Variants in FLG2 observed in about 807,000 individuals in gnomAD.
The protein encoded by FLG2 is filaggrin-2.
FLG2 carries 7 observed loss-of-function variants against 3.9 expected under a neutral mutation model. The ratio of observed to expected loss-of-function variants is 1.79; its 90% CI spans 1.02 to 3.36. The LOEUF (loss-of-function observed/expected upper bound fraction) is 3.36, where lower values mean the gene tolerates loss of function less well. Among genes scored for constraint, FLG2 ranks in the 30% most tolerant of loss-of-function variants. FLG2 has a pLI of 0.00. For missense variants in FLG2, 2,700 were observed against 2,809.4 expected (o/e 0.96, Z 0.88); for synonymous variants, 1,031 against 1,056.1 (o/e 0.98, Z 0.46).
In FLG2 at chr1:152,355,989, G is replaced by C. The variant is rs1461206768; in HGVS notation, c.1797C>G (p.Gly599=). The stretch of plus-strand genomic sequence containing the variant: ...GTCCAAAGCCAGAGGATTGTCCTGA[G>C]CCAGACCCATGTTGTCCAAAGCCAG... The part of the protein sequence containing the change: ...QSSGFGQHGS[G]SGQSSGFGQH... The change falls in exon 3 of 3, where the codon GGC becomes GGG. Residue 599 remains glycine (G), a synonymous_variant. Transcript: ENST00000388718. 6.2e-7 allele frequency: 1 copy of C among 1,613,038 alleles called. No individual in the cohort carries two copies. Among genetic ancestry groups the C allele is most frequent in the African/African-American group, 1.3e-5 (1 of 74,604 alleles).
In FLG2 at chr1:152,352,802, G is replaced by A. The variant is rs544813438; in HGVS notation, c.4984C>T (p.His1662Tyr). Residue 1662 changes from histidine (H) to tyrosine (Y), a missense_variant, in exon 3 of 3, where the codon CAC becomes TAC. Physicochemically the swap from His to Tyr is moderately conservative, Grantham distance 83. Transcript: ENST00000388718. Reference protein sequence around the residue: ...SHSESSDSEVHSGVSHTHTGH... With the variant: ...SHSESSDSEVYSGVSHTHTGH... ...GTATGTGTGTGTGAGACCCCTGAGT[G>A]CACTTCACTGTCACTGGACTCACTG... 30 of 1,613,496 alleles carry A rather than the reference G, an allele frequency of 1.9e-5. No homozygotes were observed. The highest frequency in any genetic ancestry group is 2.5e-5 in the Non-Finnish European group (29 of 1,179,874).
Position 152,357,605 on chromosome 1 carries a change from G to T in FLG2, c.181C>A (p.Leu61Met). The change falls in exon 3 of 3, where the codon CTG becomes ATG. Residue 61 changes from leucine (L) to methionine (M), a missense_variant. Physicochemically the swap from Leu to Met is conservative, Grantham distance 15. Coordinates refer to ENST00000388718, the MANE Select transcript of FLG2 (RefSeq NM_001014342.3). ...PDTVDVIMHM[L>M]DRDHDRRLDF... ...AATCTTCTGTCATGATCTCGATCCAGCATATGCATGATGACATCCACTGTG... is the reference window on the plus strand; with the variant it reads ...AATCTTCTGTCATGATCTCGATCCATCATATGCATGATGACATCCACTGTG... 6 of 1,613,874 alleles carry T rather than the reference G, an allele frequency of 3.7e-6. No homozygotes were observed. The highest frequency in any genetic ancestry group is 5.1e-6 in the Non-Finnish European group (6 of 1,179,920).
rs773113492 is a variant in FLG2, at chr1:152,358,863, C to T, written c.22G>A (p.Val8Ile). The change falls in exon 2 of 3, where the codon GTT (valine) becomes ATT (isoleucine). Residue 8 changes from valine (V) to isoleucine (I), a missense_variant. Transcript: ENST00000388718. Reference protein sequence around the residue: MTDLLRSVVTVIDVFYKY... With the variant: MTDLLRSIVTVIDVFYKY... ...TAGAAAACATCAATTACGGTGACAA[C>T]ACTTCTCAAGAGGTCGGTCATCTTT... 2.5e-6 allele frequency: 4 copies of T among 1,613,624 alleles called. No individual in the cohort carries two copies. The highest frequency in any genetic ancestry group is 2.7e-5 in the African/African-American group (2 of 75,014).
rs1157006689 is a variant in FLG2, at chr1:152,354,947, CA to C, written c.2838del (p.Phe946LeufsTer281). On this transcript the variant is annotated frameshift_variant, in exon 3 of 3. Coordinates refer to ENST00000388718, the MANE Select transcript of FLG2 (RefSeq NM_001014342.3). LOFTEE classifies it low-confidence loss of function (END_TRUNC). ...GAGCCTGACCTGTGTTGTCCAAATCCAAAAGTCTGTCCTGAACTTGACCCAT... is the reference window on the plus strand; with the variant it reads ...GAGCCTGACCTGTGTTGTCCAAATCCAAAGTCTGTCCTGAACTTGACCCAT... ...GQHGSSSGQTFGFGQHRSGSG... is the reference protein window; with the variant it reads ...GQHGSSSGQTXGFGQHRSGSG... 2 of 1,612,230 alleles carry C rather than the reference CA, an allele frequency of 1.2e-6. No individual in the cohort carries two copies. The highest frequency in any genetic ancestry group is 1.3e-5 in the African/African-American group (1 of 74,492).
chr1:152,356,978 A>C lies in FLG2; in HGVS notation c.808T>G (p.Ser270Ala). The change falls in exon 3 of 3, where the codon TCA becomes GCA. Residue 270 changes from serine (S) to alanine (A), a missense_variant. Ser to Ala is a moderately conservative substitution (Grantham distance 99). Coordinates refer to ENST00000388718, the MANE Select transcript of FLG2 (RefSeq NM_001014342.3). ...TGACTTCGCCTCCCACTGTCTCCTG[A>C]ACCTGAACAGCTAGACCCAAGCTTT... ...EQKLGSSCSG[S>A]GDSGRRSHAC... 1 of 1,614,180 alleles carries C rather than the reference A, an allele frequency of 6.2e-7. No individual in the cohort carries two copies. The highest frequency in any genetic ancestry group is 2.2e-5 in the East Asian group (1 of 44,882).
rs1345790686 is a variant in FLG2, at chr1:152,351,247, T to A, written c.6539A>T (p.His2180Leu). The A allele has an allele frequency of 1.9e-6, 3 of 1,613,474 alleles. No homozygotes were observed. Among genetic ancestry groups the A allele is most frequent in the Non-Finnish European group, 2.5e-6 (3 of 1,179,876 alleles). ...CACTTCACTATCACTGGACTCACTG[T>A]GACTAGATCTTTGTCTTCCAGTTGT... The part of the protein sequence containing the change: ...SRTTGRQRSS[H>L]SESSDSEVHS... The change falls in exon 3 of 3, where the codon CAC (histidine) becomes CTC (leucine). Residue 2180 changes from histidine to leucine, a missense_variant. Physicochemically the swap from His to Leu is moderately conservative, Grantham distance 99 (BLOSUM62 -3). Transcript: ENST00000388718.
In FLG2 at chr1:152,354,341, C is replaced by A; in HGVS notation, c.3445G>T (p.Gly1149Cys). Reference sequence around the variant, plus strand: ...CCATGTTGGCCATAGCTAGACTGACCTGATCTGTACTCATGCTGTGCAAAG... The same window carrying A: ...CCATGTTGGCCATAGCTAGACTGACATGATCTGTACTCATGCTGTGCAAAG... ...SGFAQHEYRS[G>C]QSSYGQHGTG... The change falls in exon 3 of 3, where the codon GGT becomes TGT. Residue 1149 changes from glycine (G) to cysteine (C), a missense_variant. By Grantham distance (159) the Gly-to-Cys change is radical (BLOSUM62 -3). Transcript: ENST00000388718. 1.2e-6 allele frequency: 2 copies of A among 1,613,326 alleles called. No homozygotes were observed. The highest frequency in any genetic ancestry group is 1.7e-6 in the Non-Finnish European group (2 of 1,179,802).
In FLG2 at chr1:152,359,941, T is replaced by A. The variant is rs1419581051; in HGVS notation, c.-23+15A>T. 3 of 152,248 alleles carry A rather than the reference T, an allele frequency of 2.0e-5. No homozygotes were observed. Among genetic ancestry groups the A allele is most frequent in the African/African-American group, 7.2e-5 (3 of 41,468 alleles). 9.4% of individuals were successfully genotyped at this position (152,248 alleles called of 1,614,324 possible). A position where few individuals can be genotyped will look rare whatever the true frequency, so the allele number is the denominator to read the frequency against. ...CCAAATATTCATAAATGTAGCTGGATGAATTTTCTCTCACCTGGTTCACCA... is the reference window on the plus strand; with the variant it reads ...CCAAATATTCATAAATGTAGCTGGAAGAATTTTCTCTCACCTGGTTCACCA... On this transcript the variant is annotated intron_variant, in intron 1 of 2. Coordinates refer to ENST00000388718, the MANE Select transcript of FLG2 (RefSeq NM_001014342.3).
chr1:152,353,922 A>G lies in FLG2; in HGVS notation c.3864T>C (p.His1288=), dbSNP rs1235767689. The G allele has an allele frequency of 9.9e-6, 16 of 1,612,238 alleles. No individual in the cohort carries two copies. Among genetic ancestry groups the G allele is most frequent in the Non-Finnish European group, 1.4e-5 (16 of 1,179,438 alleles). ...CAGCTTGTGTGTGAATGTGTTCTGA[A>G]TGTCTGTGTGAGACCTTTGAGTGCA... ...SEVHSKVSHR[H]SEHIHTQAGS... Residue 1288 remains histidine (H), a synonymous_variant, in exon 3 of 3, where the codon CAT becomes CAC. Coordinates refer to ENST00000388718, the MANE Select transcript of FLG2 (RefSeq NM_001014342.3).
rs1654095570 is a variant in FLG2 at position 152,354,181 on chromosome 1, G to T, written c.3605C>A (p.Ser1202Tyr). 6.2e-7 allele frequency: 1 copy of T among 1,614,240 alleles called. No homozygotes were observed. Among genetic ancestry groups the T allele is most frequent in the African/African-American group, 1.3e-5 (1 of 75,072 alleles). Residue 1202 changes from serine (S) to tyrosine (Y), a missense_variant, in exon 3 of 3, where the codon TCC becomes TAC. Physicochemically the swap from Ser to Tyr is moderately radical, Grantham distance 144. Transcript: ENST00000388718. The part of the protein sequence containing the change: ...SGQHISDSGQ[S>Y]TGFGQYGSGS... ...TGAACCATATTGGCCAAATCCAGTGGACTGACCTGAGTCAGATATATGTTG... is the reference window on the plus strand; with the variant it reads ...TGAACCATATTGGCCAAATCCAGTGTACTGACCTGAGTCAGATATATGTTG...
Position 152,353,717 on chromosome 1 carries a change from A to T in FLG2, c.4069T>A (p.Ser1357Thr). ...HSDATDSEVHSGVSHRPHSQE... is the reference protein window; with the variant it reads ...HSDATDSEVHTGVSHRPHSQE... ...GAGTGTGGTCTATGTGAGACCCCTGAGTGCACTTCACTGTCAGTGGCATCA... is the reference window on the plus strand; with the variant it reads ...GAGTGTGGTCTATGTGAGACCCCTGTGTGCACTTCACTGTCAGTGGCATCA... The change falls in exon 3 of 3, where the codon TCA becomes ACA. Residue 1357 changes from serine to threonine, a missense_variant. By Grantham distance (58) the Ser-to-Thr change is moderately conservative. Transcript: ENST00000388718. 6.2e-7 allele frequency: 1 copy of T among 1,614,102 alleles called. No homozygotes were observed. The highest frequency in any genetic ancestry group is 8.5e-7 in the Non-Finnish European group (1 of 1,180,026).
At position 152,352,992 on chromosome 1, in the gene FLG2, A is replaced by G. The variant is rs755923979; in HGVS notation, c.4794T>C (p.Thr1598=). 2.5e-6 allele frequency: 4 copies of G among 1,612,324 alleles called. 1 individual carries two copies. In the South Asian group the frequency reaches 4.4e-5, roughly 18 times the overall value. ...GSHRPHSREH[T]YGQAGSQHEE... is the part of the protein sequence containing the mutation. ...CATGTTGAGATCCGGCTTGGCCGTA[A>G]GTGTGTTCTCGTGAGTGTGGTCTGT... The change falls in exon 3 of 3, where the codon ACT becomes ACC. Residue 1598 remains threonine (T), a synonymous_variant. Coordinates refer to ENST00000388718, the MANE Select transcript of FLG2 (RefSeq NM_001014342.3).
In FLG2 at chr1:152,355,951, C is replaced by T. The variant is rs764005434; in HGVS notation, c.1835G>A (p.Arg612Lys). Residue 612 changes from arginine (R) to lysine (K), a missense_variant, in exon 3 of 3, where the codon AGA becomes AAA. Transcript: ENST00000388718. ...QSSGFGQHES[R>K]SGQSSYGQHS... Reference sequence around the variant, plus strand: ...TTGGCCATAACTAGACTGACCTGATCTAGACTCATGTTGTCCAAAGCCAGA... The same window carrying T: ...TTGGCCATAACTAGACTGACCTGATTTAGACTCATGTTGTCCAAAGCCAGA... The T allele has an allele frequency of 1.9e-6, 3 of 1,609,106 alleles. No individual in the cohort carries two copies. In the African/African-American group the frequency reaches 4.0e-5, roughly 22 times the overall value.
rs1654006725 is a variant in FLG2, at chr1:152,352,817, T to C, written c.4969A>G (p.Ser1657Gly). 1.9e-6 allele frequency: 3 copies of C among 1,613,936 alleles called. No individual in the cohort carries two copies. Among genetic ancestry groups the C allele is most frequent in the Non-Finnish European group, 2.5e-6 (3 of 1,179,978 alleles). Residue 1657 changes from serine (S) to glycine (G), a missense_variant, in exon 3 of 3, where the codon AGT becomes GGT. By Grantham distance (56) the Ser-to-Gly change is moderately conservative. Transcript: ENST00000388718. ...GRQRSSHSES[S>G]DSEVHSGVSH... is the part of the protein sequence containing the mutation. ...ACCCCTGAGTGCACTTCACTGTCACTGGACTCACTGTGGCTAGATCTCTGT... is the reference window on the plus strand; with the variant it reads ...ACCCCTGAGTGCACTTCACTGTCACCGGACTCACTGTGGCTAGATCTCTGT...
In FLG2 at chr1:152,356,634, C is replaced by T. The variant is rs369364454; in HGVS notation, c.1152G>A (p.Gly384=). 2 of 1,614,104 alleles carry T rather than the reference C, an allele frequency of 1.2e-6. No homozygotes were observed. The highest frequency in any genetic ancestry group is 1.7e-6 in the Non-Finnish European group (2 of 1,180,048). The change falls in exon 3 of 3, where the codon GGG becomes GGA. Residue 384 remains glycine, a synonymous_variant. Transcript: ENST00000388718. ...SSQSSCCGQY[G]SGGSQSCSNG... ...TACTACAAGACTGGCTACCTCCAGACCCATATTGTCCACAGCAAGAGGACT... is the reference window on the plus strand; with the variant it reads ...TACTACAAGACTGGCTACCTCCAGATCCATATTGTCCACAGCAAGAGGACT...
At position 152,350,267 on chromosome 1, in the gene FLG2, T is replaced by G; in HGVS notation, c.*343A>C. The G allele has an allele frequency of 7.2e-6, 2 of 277,228 alleles. No homozygotes were observed. Among genetic ancestry groups the G allele is most frequent in the Non-Finnish European group, 1.3e-5 (2 of 148,448 alleles). 17.2% of individuals were successfully genotyped at this position (277,228 alleles called of 1,614,324 possible). A position where few individuals can be genotyped will look rare whatever the true frequency, so the allele number is the denominator to read the frequency against. ...TCTTCTGAATGCTTTTTGTTATCAG[T>G]ATGGGATTCCTGTTTTCTGATTGAA... On this transcript the variant is annotated 3_prime_UTR_variant, in exon 3 of 3. Coordinates refer to ENST00000388718, the MANE Select transcript of FLG2 (RefSeq NM_001014342.3).
In FLG2 at chr1:152,351,142, C is replaced by T. The variant is rs755839824; in HGVS notation, c.6644G>A (p.Gly2215Asp). The T allele has an allele frequency of 5.0e-6, 8 of 1,609,236 alleles. No individual in the cohort carries two copies. In the East Asian group the frequency reaches 1.1e-4, roughly 23 times the overall value. ...ATGAGTAGTTCCCTGTCTCCCATGA[C>T]CTGAGGATCCTGACTGTCCATGTCG... Reference protein sequence around the residue: ...GSRHGQSGSSGHGRQGTTHGQ... With the variant: ...GSRHGQSGSSDHGRQGTTHGQ... Residue 2215 changes from glycine to aspartate, a missense_variant, in exon 3 of 3, where the codon GGT (glycine) becomes GAT (aspartate). Transcript: ENST00000388718.
Position 152,355,006 on chromosome 1 carries a change from G to C in FLG2, c.2780C>G (p.Ser927Cys). 1 of 1,587,192 alleles carries C rather than the reference G, an allele frequency of 6.3e-7. No homozygotes were observed. The highest frequency in any genetic ancestry group is 8.6e-7 in the Non-Finnish European group (1 of 1,169,178). Residue 927 changes from serine (S) to cysteine (C), a missense_variant, in exon 3 of 3, where the codon TCT (serine) becomes TGT (cysteine). Coordinates refer to ENST00000388718, the MANE Select transcript of FLG2 (RefSeq NM_001014342.3). The stretch of plus-strand genomic sequence containing the variant: ...ATAGCCAGATGACTGACTTGAGCCA[G>C]AACCATGTTGGCCATAGCTAGACTG... ...SHQSSYGQHG[S>C]GSSQSSGYGQ...
At position 152,355,960 on chromosome 1, in the gene FLG2, T is replaced by C. The variant is rs1195286357; in HGVS notation, c.1826A>G (p.His609Arg). ...ACTAGACTGACCTGATCTAGACTCATGTTGTCCAAAGCCAGAGGATTGTCC... is the reference window on the plus strand; with the variant it reads ...ACTAGACTGACCTGATCTAGACTCACGTTGTCCAAAGCCAGAGGATTGTCC... ...GSGQSSGFGQ[H>R]ESRSGQSSYG... The change falls in exon 3 of 3, where the codon CAT becomes CGT. Residue 609 changes from histidine (H) to arginine (R), a missense_variant. Physicochemically the swap from His to Arg is conservative, Grantham distance 29. Transcript: ENST00000388718. The C allele has an allele frequency of 5.0e-6, 8 of 1,608,940 alleles. No homozygotes were observed. The highest frequency in any genetic ancestry group is 1.1e-5 in the South Asian group (1 of 90,620).
Sources: allele counts gnomAD v4.1 joint callset, GRCh38; gene constraint gnomAD v4.1.1; transcripts MANE v1.5; gene names NCBI Gene and HGNC (gene_info 2026-07-23, HGNC 2026-07-21).